Variants in TOGARAM2 observed in about 807,000 individuals in gnomAD.
The protein encoded by TOGARAM2 is TOG array regulator of axonemal microtubules protein 2.
A neutral mutation model predicts 93.3 loss-of-function variants in TOGARAM2; 85 were observed. The ratio of observed to expected loss-of-function variants is 0.91; its 90% CI spans 0.76 to 1.09. The LOEUF (loss-of-function observed/expected upper bound fraction) is 1.09, where lower values mean the gene tolerates loss of function less well. Among genes scored for constraint, TOGARAM2 ranks in the 50% least tolerant of loss-of-function variants. The pLI, the probability that TOGARAM2 is intolerant of heterozygous loss-of-function variation, is 0.00. For missense variants in TOGARAM2, 1,277 were observed against 1,334.5 expected (o/e 0.96, Z 0.67); for synonymous variants, 593 against 552.8 (o/e 1.07, Z -1.02).
chr2:28,999,694 A>C (rs1310575524), intron 4 of TOGARAM2, among the ~76,000 whole-genome samples: 1 of 151,868 alleles, frequency 6.6e-6, no homozygotes, highest in Non-Finnish European at 1.5e-5. Flanking sequence ...CTTCATTCCC[A>C]CCCTTGCGCC....
At chr2:29,030,385 A>G (rs1665694114) in intron 14 of TOGARAM2, among the ~76,000 whole-genome samples, 1 of 152,210 alleles carries the variant, frequency 6.6e-6, no homozygotes, top group Non-Finnish European at 1.5e-5. Context: ...AAATGTCTAT[A>G]AACAGCTATT....
At chr2:28,960,265 C>T (rs749132759) in intron 1 of TOGARAM2, among the ~76,000 whole-genome samples, 65 of 152,270 alleles carry the variant, frequency 4.3e-4, no homozygotes, top group South Asian at 1.2e-3. Flanking sequence ...TTCAGGGTGA[C>T]GTGCCTACAG....
At chr2:29,006,347 T>C (rs1663846214) in intron 6 of TOGARAM2, among the ~76,000 whole-genome samples, 1 of 125,310 alleles carries the variant, frequency 8.0e-6, no homozygotes. Flanking sequence ...TGTATGTGTG[T>C]ATGTGTGAGT....
chr2:29,021,380 C>T (rs1664935283), intron 10 of TOGARAM2, among the ~76,000 whole-genome samples: 1 of 152,174 alleles, frequency 6.6e-6, no homozygotes, highest in South Asian at 2.1e-4. Flanking sequence ...ATCTTCTTGT[C>T]CTGGCTGTGC....
intron 15 of TOGARAM2, 26 bp from the exon 16 acceptor site, chr2:29,033,443 T>G (rs1452724280): frequency 6.3e-7 from 1 of 1,599,482 alleles, no homozygotes; most frequent in South Asian, 1.1e-5. Context: ...TCCTTTTGGC[T>G]CATGCTCTGT....
intron 1 of TOGARAM2, among the ~76,000 whole-genome samples, chr2:28,990,348 G>A (rs1316593580): frequency 6.6e-6 from 1 of 152,182 alleles, no homozygotes; most frequent in African/African-American, 2.4e-5. Context: ...GGGTCTGCAT[G>A]AAACTGCAGG....
Position 29,045,323 on chromosome 2 carries a change from G to A in TOGARAM2, c.2636-1G>A. Reference sequence around the variant, plus strand: ...CCACTGACATCCCCCTTCTCTTTCAGACAACCTTTGCCTTCTACCAGCGCT... The same window carrying A: ...CCACTGACATCCCCCTTCTCTTTCAAACAACCTTTGCCTTCTACCAGCGCT... On this transcript the variant is annotated splice_acceptor_variant, in intron 18 of 19. Coordinates refer to ENST00000379558, the MANE Select transcript of TOGARAM2 (RefSeq NM_199280.4). LOFTEE classifies it high-confidence loss of function. 3 of 1,612,344 alleles carry A rather than the reference G, an allele frequency of 1.9e-6. No individual in the cohort carries two copies. Among genetic ancestry groups the A allele is most frequent in the Non-Finnish European group, 2.5e-6 (3 of 1,179,602 alleles).
At chr2:28,997,247 CA>C (rs1464837634) in intron 2 of TOGARAM2, among the ~76,000 whole-genome samples, 1 of 152,212 alleles carries the variant, frequency 6.6e-6, no homozygotes, top group African/African-American at 2.4e-5. Context: ...TCAAACAACT[CA>C]GTAACAAAAA....
intron 8 of TOGARAM2, among the ~76,000 whole-genome samples, chr2:29,016,378 C>G (rs147572491): frequency 1.3e-5 from 2 of 152,130 alleles, no homozygotes; most frequent in Non-Finnish European, 2.9e-5. Flanking sequence ...AGACCCTTCC[C>G]GTGCAGCAGC....
intron 1 of TOGARAM2, among the ~76,000 whole-genome samples, chr2:28,989,983 T>A (rs549482276): frequency 1.3e-4 from 20 of 152,382 alleles, no homozygotes; most frequent in Middle Eastern, 3.4e-3. Flanking sequence ...GGCCGAACTC[T>A]GGAGGTCAGA....
chr2:29,028,001 T>C (rs900767207), intron 14 of TOGARAM2, among the ~76,000 whole-genome samples: 1 of 152,100 alleles, frequency 6.6e-6, no homozygotes, highest in African/African-American at 2.4e-5. Flanking sequence ...TGATTGGAAG[T>C]CATTGGAGTG....
At chr2:29,037,706 C>A (rs2148382249) in intron 18 of TOGARAM2, among the ~76,000 whole-genome samples, 1 of 152,310 alleles carries the variant, frequency 6.6e-6, no homozygotes, top group African/African-American at 2.4e-5. Context: ...AGGTCCCTCT[C>A]TGCCTCTTGA....
At chr2:29,009,114 G>T (rs13408165) in intron 6 of TOGARAM2, among the ~76,000 whole-genome samples, 62,508 of 152,092 alleles carry the variant, frequency 0.41, 15,353 homozygotes, top group Non-Finnish European at 0.54. Context: ...AGGTGGGTGC[G>T]TAGGCGAAGG....
rs746716660 is a variant in TOGARAM2 at position 29,052,212 on chromosome 2, G to T, written c.*119G>T. The T allele has an allele frequency of 3.5e-4, 290 of 837,646 alleles. No individual in the cohort carries two copies. Among genetic ancestry groups the T allele is most frequent in the Non-Finnish European group, 4.6e-4 (270 of 584,652 alleles). The allele number at this position is 837,646 out of a possible 1,614,324, so 51.9% of individuals were successfully genotyped here. On this transcript the variant is annotated 3_prime_UTR_variant, in exon 20 of 20. Transcript: ENST00000379558. ...GGTATATTTTGAAGTAGAAATAAAA[G>T]AATTACTTATTTTTCTAAGGTTTTA...
intron 8 of TOGARAM2, 81 bp downstream of exon 8, chr2:29,014,642 T>G: frequency 2.0e-6 from 3 of 1,494,820 alleles, no homozygotes; most frequent in Non-Finnish European, 2.7e-6. Flanking sequence ...GTCTGAAGTA[T>G]TCAAGAGTGG....
chr2:29,004,724 ATG>A (rs941349082), intron 6 of TOGARAM2, among the ~76,000 whole-genome samples: 2 of 141,680 alleles, frequency 1.4e-5, no homozygotes, highest in Admixed American at 7.5e-5. Context: ...GTATGTGTAT[ATG>A]TGTGAGTGCA....
chr2:28,973,207 C>A (rs1479234571), intron 1 of TOGARAM2, among the ~76,000 whole-genome samples: 1 of 152,184 alleles, frequency 6.6e-6, no homozygotes, highest in Non-Finnish European at 1.5e-5. Flanking sequence ...GGGCCTGGAG[C>A]AGCACCTCCC....
At chr2:29,010,707 A>G (rs1482852737) in intron 6 of TOGARAM2, among the ~76,000 whole-genome samples, 1 of 151,716 alleles carries the variant, frequency 6.6e-6, no homozygotes, top group East Asian at 2.0e-4. Flanking sequence ...GCTGGTCTCC[A>G]TGGGAACCTG....
chr2:29,009,079 G>A (rs1331063449), intron 6 of TOGARAM2, among the ~76,000 whole-genome samples: 3 of 152,208 alleles, frequency 2.0e-5, no homozygotes, highest in Non-Finnish European at 4.4e-5. Context: ...CTCCAGCCAG[G>A]AAGTCATCAA....
Sources: gnomAD v4.1 joint callset for allele counts (sites outside exome capture counted in the v4.1 genomes callset) on GRCh38, gnomAD v4.1.1 for gene constraint, MANE v1.5 for transcripts, NCBI Gene and HGNC (gene_info 2026-07-23, HGNC 2026-07-21) for gene names.